The following POGZ variants were observed in gnomAD, a reference collection of about 807,000 sequenced individuals.
The protein encoded by POGZ is pogo transposable element derived with ZNF domain, also known as pogo transposable element with ZNF domain.
In POGZ, 17 loss-of-function variants were observed where a neutral mutation model predicts 134.6. The ratio of observed to expected loss-of-function variants is 0.13; its 90% CI spans 0.09 to 0.19. POGZ has a LOEUF of 0.19. Among genes scored for constraint, POGZ ranks in the 10% least tolerant of loss-of-function variants. The pLI is 1.00. For synonymous variants in POGZ, 693 were observed against 657.1 expected (o/e 1.05, Z -0.84); for missense variants, 1,306 against 1,769.7 (o/e 0.74, Z 4.70).
chr1:151,428,908 AAAAT>A (rs1658220595), intron 5 of POGZ, among the ~76,000 whole-genome samples: 1 of 152,226 alleles, frequency 6.6e-6, no homozygotes, highest in Admixed American at 6.5e-5. Flanking sequence ...TCCACTGAGA[AAAAT>A]AAAGAAATGC....
chr1:151,429,801 C>A, intron 4 of POGZ, 90 bp from the exon 5 acceptor site: 1 of 601,618 alleles, frequency 1.7e-6, no homozygotes, highest in East Asian at 3.0e-5. Flanking sequence ...AAAAAATTCC[C>A]ATACTCTTAC....
Position 151,421,599 on chromosome 1 carries a change from A to C in POGZ, c.1678+1798T>G, listed in dbSNP as rs900576839. 1.1e-4 allele frequency among the ~76,000 whole-genome samples: 16 copies of C among 152,332 alleles called. 1 individual carries two copies. The highest frequency in any genetic ancestry group is 2.6e-4 in the Admixed American group (4 of 15,300). ...AGATAAGATCTCTTCTTTGTCTAAC[A>C]ATTTTTTATCTGGACATAGTGCCTG... is the stretch of plus-strand genomic sequence containing the variant. On this transcript the variant is annotated intron_variant, in intron 10 of 18. Transcript: ENST00000271715.
intron 10 of POGZ, among the ~76,000 whole-genome samples, chr1:151,413,768 C>G (rs1655143906): frequency 6.6e-6 from 1 of 152,080 alleles, no homozygotes; most frequent in Non-Finnish European, 1.5e-5. Flanking sequence ...CAACCCTGAC[C>G]TCCCAAGCTC....
intron 1 of POGZ, 132 bp downstream of exon 1, chr1:151,459,020 G>GCCCCCA (rs1663181006): frequency 8.8e-6 from 1 of 113,936 alleles, no homozygotes; most frequent in Non-Finnish European, 2.0e-5. Context: ...CCGGCCCCCC[G>GCCCCCA]CCCCCACCCC....
In POGZ at chr1:151,416,210, CAAAAAAAAA is replaced by C. The variant is rs1212371839; in HGVS notation, c.1679-3823_1679-3815del. 7.0e-3 allele frequency among the ~76,000 whole-genome samples: 299 copies of C among 42,778 alleles called. 4 individuals carry two copies. Among genetic ancestry groups the C allele is most frequent in the African/African-American group, 0.031 (289 of 9,394 alleles). The allele number at this position is 42,778 out of a possible 152,430, so 28.1% of individuals were successfully genotyped here. A position where few individuals can be genotyped will look rare whatever the true frequency, so the allele number is the denominator to read the frequency against. ...GGGTGACAAGAGTGAAACTCCATCT[CAAAAAAAAA>C]AAAAAAAAAAAAAAAAGAAAAAGAA... is the stretch of plus-strand genomic sequence containing the variant. On this transcript the variant is annotated intron_variant, in intron 10 of 18. Coordinates refer to ENST00000271715, the MANE Select transcript of POGZ (RefSeq NM_015100.4).
At chr1:151,429,039 G>C (rs770817575) in intron 5 of POGZ, among the ~76,000 whole-genome samples, 15 of 151,226 alleles carry the variant, frequency 9.9e-5, no homozygotes, top group Non-Finnish European at 1.9e-4. Context: ...ACTCTTTTTT[G>C]GTCTGAATTG....
At position 151,419,668 on chromosome 1, in the gene POGZ, C is replaced by CAAAAAAAAAAA. The variant is rs59593149; in HGVS notation, c.1678+3718_1678+3728dup. Among the ~76,000 whole-genome samples, 2 of 43,656 alleles carry CAAAAAAAAAAA rather than the reference C, an allele frequency of 4.6e-5. 1 individual carries two copies. Among genetic ancestry groups the CAAAAAAAAAAA allele is most frequent in the African/African-American group, 2.0e-4 (2 of 9,950 alleles). The allele number at this position is 43,656 out of a possible 152,430, so 28.6% of individuals were successfully genotyped here. A position where few individuals can be genotyped will look rare whatever the true frequency, so the allele number is the denominator to read the frequency against. ...TGGCTAACAGAGTGAGACCCTGTCT[C>CAAAAAAAAAAA]AAAAAAAAAAAAAAAAAAAAAAAAA... On this transcript the variant is annotated intron_variant, in intron 10 of 18. Transcript: ENST00000271715.
chr1:151,413,993 T>C (rs1377788559), intron 10 of POGZ, among the ~76,000 whole-genome samples: 1 of 152,212 alleles, frequency 6.6e-6, no homozygotes, highest in Admixed American at 6.5e-5. Context: ...GATTCAAACA[T>C]TTCATATTTA....
chr1:151,416,225 AAAAAAAAAAAG>A (rs1032068218), intron 10 of POGZ, among the ~76,000 whole-genome samples: 2 of 149,224 alleles, frequency 1.3e-5, no homozygotes, highest in African/African-American at 4.9e-5. Flanking sequence ...AAAAAAAAAA[AAAAAAAAAAAG>A]AAAAAGAAAG....
In POGZ at chr1:151,423,484, T is replaced by G. The variant is rs759637386; in HGVS notation, c.1591A>C (p.Ile531Leu). 2 of 1,613,758 alleles carry G rather than the reference T, an allele frequency of 1.2e-6. No individual in the cohort carries two copies. The highest frequency in any genetic ancestry group is 1.3e-5 in the African/African-American group (1 of 75,038). Residue 531 changes from isoleucine to leucine, a missense_variant, in exon 10 of 19, where the codon ATC becomes CTC. By Grantham distance (5) the Ile-to-Leu change is conservative (BLOSUM62 2). Coordinates refer to ENST00000271715, the MANE Select transcript of POGZ (RefSeq NM_015100.4). Reference protein sequence around the residue: ...QQNGEVDGHTICQHCYRQFST... With the variant: ...QQNGEVDGHTLCQHCYRQFST... ...AACTGGCGGTAACAGTGCTGGCAGA[T>G]AGTGTGACCATCTACCTCACCGTTC... is the stretch of plus-strand genomic sequence containing the variant.
rs777415507 is a variant in POGZ, at chr1:151,406,012, C to T, written c.3023G>A (p.Arg1008Gln). The part of the protein sequence containing the change: ...NPQRRIRRWL[R>Q]RFQASQGENL... Reference sequence around the variant, plus strand: ...CTCCCCCTGGGAGGCCTGGAAACGTCGAAGCCAACGGCGAATACGTCGCTG... The same window carrying T: ...CTCCCCCTGGGAGGCCTGGAAACGTTGAAGCCAACGGCGAATACGTCGCTG... The change falls in exon 19 of 19, where the codon CGA becomes CAA. Residue 1008 changes from arginine (R) to glutamine (Q), a missense_variant. By Grantham distance (43) the Arg-to-Gln change is conservative. This residue lies in a region of POGZ where 214 missense variants were observed against 255.5 expected (regional missense o/e 0.84). Coordinates refer to ENST00000271715, the MANE Select transcript of POGZ (RefSeq NM_015100.4). 2.0e-5 allele frequency: 32 copies of T among 1,614,086 alleles called. No individual in the cohort carries two copies. The highest frequency in any genetic ancestry group is 2.6e-5 in the Non-Finnish European group (31 of 1,180,044).
rs905569297 is a variant in POGZ at position 151,404,270 on chromosome 1, T to G, written c.*532A>C. 1 of 983,580 alleles carries G rather than the reference T, an allele frequency of 1.0e-6. No individual in the cohort carries two copies. The highest frequency in any genetic ancestry group is 1.2e-6 in the Non-Finnish European group (1 of 827,906). The allele number at this position is 983,580 out of a possible 1,614,324, so 60.9% of individuals were successfully genotyped here. ...GTGTTAAGACCACAATGAAAAAAGT[T>G]TTTTATCCATATATATAATAAACCA... On this transcript the variant is annotated 3_prime_UTR_variant, in exon 19 of 19. Coordinates refer to ENST00000271715, the MANE Select transcript of POGZ (RefSeq NM_015100.4).
intron 17 of POGZ, 96 bp downstream of exon 17, chr1:151,406,815 G>A: frequency 9.8e-7 from 1 of 1,024,546 alleles, no homozygotes; most frequent in Non-Finnish European, 1.5e-6. Flanking sequence ...AACAGTGAAT[G>A]AGTGAGGCCA....
In POGZ at chr1:151,405,127, A is replaced by C. The variant is rs1220465341; in HGVS notation, c.3908T>G (p.Val1303Gly). 8 of 1,614,228 alleles carry C rather than the reference A, an allele frequency of 5.0e-6. No individual in the cohort carries two copies. The East Asian group carries it at 1.3e-4, about 27-fold the overall frequency. Residue 1303 changes from valine to glycine, a missense_variant, in exon 19 of 19, where the codon GTC (valine) becomes GGC (glycine). By Grantham distance (109) the Val-to-Gly change is moderately radical. Coordinates refer to ENST00000271715, the MANE Select transcript of POGZ (RefSeq NM_015100.4). This position sits in a 1 kb window ranked among gnomAD's most constrained non-coding sequence, Gnocchi z 4.9. The stretch of plus-strand genomic sequence containing the variant: ...GACACCTAGCACTTCACCCAGCCAG[A>C]CAAGCACCAGCTGAAGCAGGACATC... ...DSDVLLQLVL[V>G]WLGEVLGVIG...
chr1:151,427,606 A>C (rs567552086), intron 7 of POGZ: 29 of 515,376 alleles, frequency 5.6e-5, no homozygotes, highest in African/African-American at 4.0e-4. Context: ...CAATTTCACT[A>C]ATCTCCAAAG....
intron 9 of POGZ, 150 bp from the exon 10 acceptor site, chr1:151,423,701 GATA>G (rs1657322007): frequency 1.4e-6 from 1 of 711,538 alleles, no homozygotes; most frequent in African/African-American, 1.8e-5. Context: ...AGCCCAGAAA[GATA>G]ATGAGTTCTT....
intron 3 of POGZ, among the ~76,000 whole-genome samples, chr1:151,435,283 A>G (rs1314182483): frequency 6.6e-6 from 1 of 152,222 alleles, no homozygotes; most frequent in Non-Finnish European, 1.5e-5. Flanking sequence ...GAAAACCATA[A>G]TTAGTTATAC....
At chr1:151,419,420 G>T (rs1192629161) in intron 10 of POGZ, among the ~76,000 whole-genome samples, 4 of 151,902 alleles carry the variant, frequency 2.6e-5, no homozygotes, top group Admixed American at 6.6e-5. Flanking sequence ...GGCTGAGGTG[G>T]GTGGATTGCT....
At chr1:151,446,638 C>T (rs1661313848) in intron 1 of POGZ, among the ~76,000 whole-genome samples, 1 of 151,534 alleles carries the variant, frequency 6.6e-6, no homozygotes, top group South Asian at 2.1e-4. Context: ...CGCCTGTAAT[C>T]CCAGCTACTC....
Sources: gnomAD v4.1 joint callset for allele counts (sites outside exome capture counted in the v4.1 genomes callset) on GRCh38, gnomAD v4.1.1 for gene constraint, gnomAD v4.1.1 regional missense constraint, Gnocchi (gnomAD v3.1) non-coding constraint, MANE v1.5 for transcripts, NCBI Gene and HGNC (gene_info 2026-07-23, HGNC 2026-07-21) for gene names.